Variants in MYBPC2 observed in about 807,000 individuals in gnomAD.
The protein encoded by MYBPC2 is myosin binding protein C2, also known as myosin-binding protein C, fast-type.
MYBPC2 carries 122 observed loss-of-function variants against 137.0 expected under a neutral mutation model. The ratio of observed to expected loss-of-function variants is 0.89; its 90% CI spans 0.77 to 1.03. The LOEUF (loss-of-function observed/expected upper bound fraction) is 1.03. Ranked by LOEUF, MYBPC2 falls within the 50% of genes least tolerant of loss-of-function variation. The probability of loss-of-function intolerance (pLI) is 0.00; values close to 1 mark genes in which losing one functional copy is unlikely to be tolerated. For missense variants in MYBPC2, 1,500 were observed against 1,534.4 expected (o/e 0.98, Z 0.37); for synonymous variants, 626 against 612.3 (o/e 1.02, Z -0.33).
chr19:50,450,560 C>T (rs2039846464), intron 13 of MYBPC2, among the ~76,000 whole-genome samples: 1 of 152,178 alleles, frequency 6.6e-6, no homozygotes, highest in Admixed American at 6.5e-5. Flanking sequence ...TGAGCCACTG[C>T]ACCTTTCTCG....
chr19:50,464,277 A>G, intron 26 of MYBPC2, 69 bp from the exon 27 acceptor site: 2 of 1,423,878 alleles, frequency 1.4e-6, no homozygotes, highest in Non-Finnish European at 1.9e-6. Flanking sequence ...CGGCTTCCTG[A>G]GCCCCATTTT....
chr19:50,438,685 G>A (rs1349003759), intron 7 of MYBPC2, among the ~76,000 whole-genome samples: 2 of 151,986 alleles, frequency 1.3e-5, no homozygotes, highest in Non-Finnish European at 2.9e-5. Context: ...GGGCCACATA[G>A]GGAGACCCTG....
intron 20 of MYBPC2, among the ~76,000 whole-genome samples, chr19:50,458,308 TA>T (rs375818984): frequency 7.1e-3 from 606 of 85,870 alleles, no homozygotes; most frequent in Middle Eastern, 0.025. Flanking sequence ...AGACTCCACC[TA>T]AAAAAAAAAA....
At chr19:50,444,292 A>ATCTACTTAACCATCTG (rs2122589433) in intron 11 of MYBPC2, among the ~76,000 whole-genome samples, 1 of 24,132 alleles carries the variant, frequency 4.1e-5, no homozygotes, top group East Asian at 1.4e-3. Flanking sequence ...CCATCCATTC[A>ATCTACTTAACCATCTG]TCCATCCATC....
chr19:50,456,034 ATCCATCCATCCATATT>A (rs923361457), intron 20 of MYBPC2, among the ~76,000 whole-genome samples: 15 of 150,856 alleles, frequency 9.9e-5, no homozygotes, highest in African/African-American at 3.2e-4. Flanking sequence ...CCATCTGTAC[ATCCATCCATCCATATT>A]TCCATCCATC....
rs537993287 is a variant in MYBPC2 at position 50,435,934 on chromosome 19, C to T, written c.196+72C>T. On this transcript the variant is annotated intron_variant, in intron 3 of 27. Coordinates refer to ENST00000357701, the MANE Select transcript of MYBPC2 (RefSeq NM_004533.4). This position sits in a 1 kb window ranked among gnomAD's most constrained non-coding sequence, Gnocchi z 4.8. ...TCTGAGGGAGGAGGGGCCAGGGTCT[C>T]GTTCTGTCTCCCTCTGGAGAGCCTT... The T allele has an allele frequency of 1.2e-5, 18 of 1,548,244 alleles. No homozygotes were observed. The highest frequency in any genetic ancestry group is 3.4e-4 in the Middle Eastern group (2 of 5,924).
rs1439142141 is a variant in MYBPC2, at chr19:50,459,022, T to C, written c.2595+16T>C. The C allele has an allele frequency of 6.3e-7, 1 of 1,599,768 alleles. No homozygotes were observed. On this transcript the variant is annotated intron_variant, in intron 22 of 27. Coordinates refer to ENST00000357701, the MANE Select transcript of MYBPC2 (RefSeq NM_004533.4). ...CCCCTTCCAGGTCAGGGGAGCGGGG[T>C]CACGGGCCGGGGGTCCGCTCTCGCC...
At chr19:50,455,429 T>C in intron 19 of MYBPC2, 81 bp from the exon 20 acceptor site, 1 of 1,570,846 alleles carries the variant, frequency 6.4e-7, no homozygotes, top group South Asian at 1.2e-5. Context: ...TGACCAATCA[T>C]TCTACCTCTG....
Position 50,435,935 on chromosome 19 carries a change from G to T in MYBPC2, c.196+73G>T. On this transcript the variant is annotated intron_variant, in intron 3 of 27. Coordinates refer to ENST00000357701, the MANE Select transcript of MYBPC2 (RefSeq NM_004533.4). The surrounding 1 kb of genome is among the most constrained non-coding windows in gnomAD (Gnocchi z 4.8). The stretch of plus-strand genomic sequence containing the variant: ...CTGAGGGAGGAGGGGCCAGGGTCTC[G>T]TTCTGTCTCCCTCTGGAGAGCCTTA... 2 of 1,548,986 alleles carry T rather than the reference G, an allele frequency of 1.3e-6. No individual in the cohort carries two copies. The highest frequency in any genetic ancestry group is 1.7e-4 in the Middle Eastern group (1 of 5,918).
chr19:50,455,340 C>T (rs2039899703), intron 19 of MYBPC2, 44 bp downstream of exon 19: 1 of 1,589,520 alleles, frequency 6.3e-7, no homozygotes, highest in African/African-American at 1.3e-5. Flanking sequence ...AATGATGGAT[C>T]ACTCTGATCC....
chr19:50,444,081 C>A (rs181428416), intron 11 of MYBPC2, among the ~76,000 whole-genome samples: 1 of 152,174 alleles, frequency 6.6e-6, no homozygotes, highest in Non-Finnish European at 1.5e-5. Context: ...ATTCATCTGA[C>A]CAATTATCTA....
Position 50,435,324 on chromosome 19 carries a change from CT to C in MYBPC2, c.109+77del. 1.4e-6 allele frequency: 1 copy of C among 706,158 alleles called. No homozygotes were observed. The allele number at this position is 706,158 out of a possible 1,614,324, so 43.7% of individuals were successfully genotyped here. A position where few individuals can be genotyped will look rare whatever the true frequency, so the allele number is the denominator to read the frequency against. On this transcript the variant is annotated intron_variant, in intron 2 of 27. Coordinates refer to ENST00000357701, the MANE Select transcript of MYBPC2 (RefSeq NM_004533.4). The surrounding 1 kb of genome is among the most constrained non-coding windows in gnomAD (Gnocchi z 4.8). The stretch of plus-strand genomic sequence containing the variant: ...TCCTCCTCGCTACGCCTCTCCAGGC[CT>C]TTCCCCAGCCTCTATCCTTGAATCT...
intron 1 of MYBPC2, among the ~76,000 whole-genome samples, chr19:50,433,871 T>C (rs887057975): frequency 1.3e-5 from 2 of 151,198 alleles, no homozygotes; most frequent in South Asian, 4.2e-4. Context: ...AGGCCAGGAG[T>C]TCAAGACCAG....
intron 8 of MYBPC2, among the ~76,000 whole-genome samples, chr19:50,441,314 T>C (rs982120789): frequency 6.6e-6 from 1 of 152,232 alleles, no homozygotes; most frequent in South Asian, 2.1e-4. Context: ...CAGTTTACCA[T>C]GGCCATGGCA....
At position 50,456,334 on chromosome 19, in the gene MYBPC2, GTCTGTCCATCCATCTGTCCATCCATCCA is replaced by G. The variant is rs2039912686; in HGVS notation, c.2338+706_2338+733del. 6.4e-5 allele frequency among the ~76,000 whole-genome samples: 8 copies of G among 125,726 alleles called. No individual in the cohort carries two copies. The South Asian group carries it at 8.2e-4, about 13-fold the overall frequency. The allele number at this position is 125,726 out of a possible 152,430, so 82.5% of individuals were successfully genotyped here. ...CATCCATCTGTCCATCCATCCATCC[GTCTGTCCATCCATCTGTCCATCCATCCA>G]TCTGTCCATCCATCTATCCATCCAT... On this transcript the variant is annotated intron_variant, in intron 20 of 27. Coordinates refer to ENST00000357701, the MANE Select transcript of MYBPC2 (RefSeq NM_004533.4).
In MYBPC2 at chr19:50,434,800, G is replaced by A. The variant is rs1038719994; in HGVS notation, c.20-361G>A. Among the ~76,000 whole-genome samples, 7 of 152,156 alleles carry A rather than the reference G, an allele frequency of 4.6e-5. No homozygotes were observed. The East Asian group carries it at 5.8e-4, about 13-fold the overall frequency. Reference sequence around the variant, plus strand: ...AGGCAGGGCAGGGGAAGGATGCTGCGGTCAGCACCAGGTGTCCAGTTTCCA... The same window carrying A: ...AGGCAGGGCAGGGGAAGGATGCTGCAGTCAGCACCAGGTGTCCAGTTTCCA... On this transcript the variant is annotated intron_variant, in intron 1 of 27. Transcript: ENST00000357701.
Position 50,462,001 on chromosome 19 carries a change from G to A in MYBPC2, c.3193G>A (p.Ala1065Thr). ...IDRVVVAGYS[A>T]ALNCAVRGHP... ...CCGCGTGGTCGTGGCTGGGTACTCG[G>A]CAGCCCTCAACTGTGCTGTCAGAGG... Residue 1065 changes from alanine to threonine, a missense_variant, in exon 26 of 28, where the codon GCA (alanine) becomes ACA (threonine). Ala to Thr is a moderately conservative substitution (Grantham distance 58, BLOSUM62 0). Coordinates refer to ENST00000357701, the MANE Select transcript of MYBPC2 (RefSeq NM_004533.4). The A allele has an allele frequency of 6.4e-7, 1 of 1,573,662 alleles. No homozygotes were observed. The highest frequency in any genetic ancestry group is 8.6e-7 in the Non-Finnish European group (1 of 1,159,444).
At chr19:50,452,544 C>CTATCTATCTATCTATG in intron 16 of MYBPC2, among the ~76,000 whole-genome samples, 1 of 146,504 alleles carries the variant, frequency 6.8e-6, no homozygotes, top group African/African-American at 2.5e-5. Context: ...ATCTATGTAT[C>CTATCTATCTATCTATG]TATCTATCTA....
chr19:50,459,030 C>CG (rs774971094), intron 22 of MYBPC2, 24 bp downstream of exon 22: 3 of 1,592,138 alleles, frequency 1.9e-6, no homozygotes, highest in South Asian at 2.3e-5. Flanking sequence ...GGTCACGGGC[C>CG]GGGGGTCCGC....
Sources: gnomAD v4.1 joint callset for allele counts (sites outside exome capture counted in the v4.1 genomes callset) on GRCh38, gnomAD v4.1.1 for gene constraint, Gnocchi (gnomAD v3.1) non-coding constraint, MANE v1.5 for transcripts, NCBI Gene and HGNC (gene_info 2026-07-23, HGNC 2026-07-21) for gene names.